Variants in CNOT2 observed in about 807,000 individuals in gnomAD.
CNOT2 encodes CCR4-NOT transcription complex subunit 2.
CNOT2 carries 7 observed loss-of-function variants against 72.1 expected under a neutral mutation model. The ratio of observed to expected loss-of-function variants is 0.10; its 90% CI spans 0.06 to 0.18. The LOEUF (loss-of-function observed/expected upper bound fraction) is 0.18. Among genes scored for constraint, CNOT2 ranks in the 10% least tolerant of loss-of-function variants. The probability of loss-of-function intolerance (pLI) is 1.00; values close to 1 mark genes in which losing one functional copy is unlikely to be tolerated. For missense variants in CNOT2, 345 were observed against 660.3 expected, an observed-to-expected ratio of 0.52 and a Z score of 5.23; for synonymous variants, 196 against 225.6, an observed-to-expected ratio of 0.87 and a Z score of 1.17.
At chr12:70,244,545 A>G (rs1033052329) in intron 1 of CNOT2, among the ~76,000 whole-genome samples, 22 of 152,200 alleles carry the variant, frequency 1.4e-4, no homozygotes, top group Admixed American at 1.3e-4. Flanking sequence ...TACTACCACA[A>G]AAGTCTTACA....
At chr12:70,253,365 A>G (rs1025077407) in intron 1 of CNOT2, among the ~76,000 whole-genome samples, 2 of 152,196 alleles carry the variant, frequency 1.3e-5, no homozygotes, top group African/African-American at 4.8e-5. Flanking sequence ...ACTCCTGACA[A>G]GTAGGTATTT....
At chr12:70,345,324 A>G (rs1882031031) in intron 14 of CNOT2, 1 of 152,138 alleles carries the variant, frequency 6.6e-6, no homozygotes, top group South Asian at 2.1e-4. Context: ...TCATTTCACA[A>G]CTGAGAGGAT....
intron 13 of CNOT2, 194 bp downstream of exon 13, chr12:70,342,501 A>G (rs893421871): frequency 3.3e-6 from 2 of 612,340 alleles, no homozygotes; most frequent in Non-Finnish European, 5.5e-6. Context: ...ATTTAACAAC[A>G]GGTTACAACC....
chr12:70,280,708 T>C (rs1314453640), intron 2 of CNOT2, among the ~76,000 whole-genome samples: 1 of 152,210 alleles, frequency 6.6e-6, no homozygotes, highest in East Asian at 1.9e-4. Context: ...GAAGGTGCAT[T>C]CCCTTGGCTC....
intron 3 of CNOT2, among the ~76,000 whole-genome samples, chr12:70,317,611 ATTTTTTTTTTTTTTTTT>A (rs529433652): frequency 8.5e-5 from 9 of 105,444 alleles, no homozygotes; most frequent in African/African-American, 3.4e-4. Context: ...ATAAGGTTTG[ATTTTTTTTTTTTTTTTT>A]TTTTTTTTAG....
intron 11 of CNOT2, among the ~76,000 whole-genome samples, chr12:70,340,441 G>T (rs559386952): frequency 1.4e-4 from 22 of 151,820 alleles, no homozygotes; most frequent in South Asian, 6.2e-4. Context: ...TATATATTGA[G>T]GAATCCCAAA....
At chr12:70,301,667 AT>A (rs1874006677) in intron 2 of CNOT2, 1 of 152,190 alleles carries the variant, frequency 6.6e-6, no homozygotes, top group Admixed American at 6.5e-5. Context: ...TATCAAGGAT[AT>A]TGGTCTAAAA....
chr12:70,341,399 G>A (rs896207083), intron 11 of CNOT2, among the ~76,000 whole-genome samples: 15 of 152,108 alleles, frequency 9.9e-5, no homozygotes, highest in Non-Finnish European at 8.8e-5. Context: ...ATATGACTAT[G>A]TCCCTTATAG....
chr12:70,298,531 T>G (rs1012812311), intron 2 of CNOT2, among the ~76,000 whole-genome samples: 1 of 152,204 alleles, frequency 6.6e-6, no homozygotes, highest in African/African-American at 2.4e-5. Context: ...TCTTACTTTC[T>G]AGCGTTATCT....
intron 3 of CNOT2, among the ~76,000 whole-genome samples, chr12:70,316,478 T>G (rs1025317861): frequency 2.0e-5 from 3 of 152,284 alleles, no homozygotes; most frequent in Non-Finnish European, 4.4e-5. Context: ...AAAGTACAGG[T>G]TCTTAGGGAT....
At chr12:70,342,518 G>A (rs753387160) in intron 13 of CNOT2, 32 of 550,634 alleles carry the variant, frequency 5.8e-5, no homozygotes, top group Middle Eastern at 4.8e-4. Flanking sequence ...AACCATAACC[G>A]CAGTTGATGA....
intron 1 of CNOT2, among the ~76,000 whole-genome samples, chr12:70,256,087 A>C (rs897620952): frequency 6.6e-6 from 1 of 152,160 alleles, no homozygotes; most frequent in Non-Finnish European, 1.5e-5. Context: ...AATTAACTAA[A>C]AGTAATTAGG....
intron 1 of CNOT2, among the ~76,000 whole-genome samples, chr12:70,244,831 A>G (rs555059902): frequency 5.9e-4 from 90 of 152,330 alleles, no homozygotes; most frequent in Middle Eastern, 3.4e-3. Context: ...TTAAGGTTCA[A>G]AGTTGAACAT....
At chr12:70,333,235 C>T (rs1397768242) in intron 7 of CNOT2, among the ~76,000 whole-genome samples, 2 of 151,868 alleles carry the variant, frequency 1.3e-5, no homozygotes, top group Non-Finnish European at 2.9e-5. Flanking sequence ...CTATGGAGAT[C>T]CAGATTGAAG....
intron 8 of CNOT2, chr12:70,337,034 TA>T (rs1880799171): frequency 6.0e-6 from 1 of 165,394 alleles, no homozygotes; most frequent in Admixed American, 6.0e-5. Flanking sequence ...TGTTCATTTG[TA>T]TTTGAGAGTT....
At chr12:70,266,099 GTATTATTATTAT>G (rs373889047) in intron 1 of CNOT2, among the ~76,000 whole-genome samples, 1 of 149,246 alleles carries the variant, frequency 6.7e-6, no homozygotes, top group Non-Finnish European at 1.5e-5. Context: ...CGTTGATGTT[GTATTATTATTAT>G]TATTATTATT....
chr12:70,306,220 A>C (rs1331291844), intron 2 of CNOT2, among the ~76,000 whole-genome samples: 3 of 152,124 alleles, frequency 2.0e-5, no homozygotes, highest in African/African-American at 2.4e-5. Flanking sequence ...TGGCATGATG[A>C]TCTTGGCTCA....
intron 1 of CNOT2, among the ~76,000 whole-genome samples, chr12:70,248,465 T>C (rs1957991143): frequency 6.6e-6 from 1 of 152,170 alleles, no homozygotes; most frequent in Admixed American, 6.5e-5. Context: ...TTTTCCTACA[T>C]TTTCATATGG....
rs1332576064 is a variant in CNOT2, at chr12:70,261,498, A to G, written c.-95-16634A>G. On this transcript the variant is annotated intron_variant, in intron 1 of 15. Transcript: ENST00000229195. ...CCCAGCTAATTTTTTTGTATTTTTT[A>G]GTAGAGACGGGGTTTCACCATGTTA... Among the ~76,000 whole-genome samples the G allele has an allele frequency of 4.0e-5, 6 of 150,532 alleles. No individual in the cohort carries two copies. In the South Asian group the frequency reaches 1.0e-3, roughly 26 times the overall value.
Sources: allele counts gnomAD v4.1 joint callset (sites outside exome capture counted in the v4.1 genomes callset), GRCh38; gene constraint gnomAD v4.1.1; transcripts MANE v1.5; gene names NCBI Gene and HGNC (gene_info 2026-07-23, HGNC 2026-07-21).